Variants in CSMD2 observed in about 807,000 individuals in gnomAD.
CSMD2 encodes CUB and sushi domain-containing protein 2.
Under a neutral mutation model 398.5 loss-of-function variants are expected in CSMD2, and 130 were observed. The observed-to-expected ratio is 0.33, with a 90% CI of 0.28 to 0.38. The LOEUF is 0.38. Among genes scored for constraint, CSMD2 ranks in the 10% least tolerant of loss-of-function variants. The probability of loss-of-function intolerance (pLI) is 1.00; values close to 1 mark genes in which losing one functional copy is unlikely to be tolerated. For missense variants in CSMD2, 3,829 were observed against 4,764.9 expected, an observed-to-expected ratio of 0.80 and a Z score of 5.78; for synonymous variants, 1,828 against 1,908.5, an observed-to-expected ratio of 0.96 and a Z score of 1.10.
chr1:33,924,902 T>C (rs1314290922), intron 4 of CSMD2, among the ~76,000 whole-genome samples: 1 of 152,182 alleles, frequency 6.6e-6, no homozygotes, highest in Non-Finnish European at 1.5e-5. Flanking sequence ...TTATTATTAT[T>C]TTTTTGCTGT....
Position 34,112,194 on chromosome 1 carries a change from C to G in CSMD2, c.188-23001G>C, listed in dbSNP as rs376401766. On this transcript the variant is annotated intron_variant, in intron 1 of 70. Coordinates refer to ENST00000373381, the MANE Select transcript of CSMD2 (RefSeq NM_001281956.2). ...TTGTTGCCCCTTGCCCATACACATG[C>G]AAACCAAGGTGAAAAACATGATCAG... Among the ~76,000 whole-genome samples, 3 of 152,284 alleles carry G rather than the reference C, an allele frequency of 2.0e-5. No individual in the cohort carries two copies. The East Asian group carries it at 5.8e-4, about 29-fold the overall frequency.
chr1:33,772,643 A>G lies in CSMD2; in HGVS notation c.1772T>C (p.Phe591Ser), dbSNP rs1194844089. Residue 591 changes from phenylalanine to serine, a missense_variant, in exon 13 of 71, where the codon TTT becomes TCT. This residue lies in a region of CSMD2 where 2,001 missense variants were observed against 2,567.1 expected (regional missense o/e 0.78). Transcript: ENST00000373381. ...GATTGCCTTCTGTCCCACCAGCTCA[A>G]AGGCGGGCTGGCACTCAAACTTGAG... ...DTLKFECQPA[F>S]ELVGQKAITC... The G allele has an allele frequency of 6.2e-7, 1 of 1,614,070 alleles. No individual in the cohort carries two copies. The highest frequency in any genetic ancestry group is 1.3e-5 in the African/African-American group (1 of 75,028).
chr1:33,840,217 CAA>C (rs1393769915), intron 6 of CSMD2: 2 of 152,210 alleles, frequency 1.3e-5, no homozygotes, highest in African/African-American at 4.8e-5. Flanking sequence ...CAGCTGGAGA[CAA>C]TGATGAGAGG....
chr1:34,038,738 T>G (rs1462762786), intron 2 of CSMD2, among the ~76,000 whole-genome samples: 1 of 152,194 alleles, frequency 6.6e-6, no homozygotes, highest in Non-Finnish European at 1.5e-5. Context: ...GCAAAGGAAG[T>G]GGTCAGCCCA....
chr1:34,049,365 A>T (rs980128222), intron 2 of CSMD2, among the ~76,000 whole-genome samples: 8 of 152,246 alleles, frequency 5.3e-5, no homozygotes, highest in Admixed American at 3.3e-4. Flanking sequence ...TGCAGCTTCT[A>T]GGATTTTTCA....
At chr1:33,634,626 G>C (rs1394204484) in intron 31 of CSMD2, among the ~76,000 whole-genome samples, 3 of 152,174 alleles carry the variant, frequency 2.0e-5, no homozygotes, top group Non-Finnish European at 4.4e-5. Context: ...CTGCCAACCA[G>C]GTAATGAGCC....
At chr1:33,648,716 C>T (rs1643595477) in intron 28 of CSMD2, among the ~76,000 whole-genome samples, 1 of 152,156 alleles carries the variant, frequency 6.6e-6, no homozygotes, top group Non-Finnish European at 1.5e-5. Context: ...AGAGAGACTC[C>T]TTCTGCCCGA....
chr1:33,618,872 C>A (rs1641572598), intron 37 of CSMD2, among the ~76,000 whole-genome samples: 1 of 152,018 alleles, frequency 6.6e-6, no homozygotes, highest in Non-Finnish European at 1.5e-5. Flanking sequence ...GTCGGCCAAG[C>A]AGAAGCCAAG....
chr1:33,580,722 C>A, intron 48 of CSMD2, 31 bp downstream of exon 48: 5 of 1,612,792 alleles, frequency 3.1e-6, no homozygotes, highest in Non-Finnish European at 4.2e-6. Context: ...GAGGAGAGGG[C>A]CTGTGGCTTA....
chr1:33,577,034 G>A (rs6667558), intron 49 of CSMD2, among the ~76,000 whole-genome samples: 34,378 of 151,938 alleles, frequency 0.23, 4,375 homozygotes, highest in African/African-American at 0.33. Context: ...TCACCTCTGG[G>A]CTCCCACAAC....
intron 4 of CSMD2, among the ~76,000 whole-genome samples, chr1:33,927,624 C>T (rs1644170998): frequency 6.6e-6 from 1 of 152,130 alleles, no homozygotes; most frequent in African/African-American, 2.4e-5. Context: ...GACCTTGTGA[C>T]TCCAGGCCCA....
chr1:33,772,347 TC>T (rs567010881), intron 13 of CSMD2: 3 of 496,222 alleles, frequency 6.0e-6, no homozygotes, highest in South Asian at 5.7e-5. Flanking sequence ...TTGAAGAGCA[TC>T]CCCAAATGTC....
At chr1:33,745,130 T>A (rs4559461) in intron 13 of CSMD2, among the ~76,000 whole-genome samples, 47,869 of 152,148 alleles carry the variant, frequency 0.31, 9,677 homozygotes, top group African/African-American at 0.58. Context: ...GTGATAAATA[T>A]GACCCTGTAG....
intron 2 of CSMD2, among the ~76,000 whole-genome samples, chr1:34,046,797 G>A (rs188955339): frequency 3.9e-5 from 6 of 152,198 alleles, no homozygotes; most frequent in Admixed American, 1.3e-4. Flanking sequence ...TGGTTCTCAG[G>A]ATAAAAATGC....
intron 5 of CSMD2, among the ~76,000 whole-genome samples, chr1:33,852,537 A>G (rs1305989099): frequency 1.6e-4 from 24 of 152,210 alleles, no homozygotes; most frequent in Admixed American, 1.6e-3. Flanking sequence ...CTACTTGGGA[A>G]AATATCACTG....
chr1:33,551,075 G>A (rs532630224), intron 55 of CSMD2, among the ~76,000 whole-genome samples: 1 of 152,346 alleles, frequency 6.6e-6, no homozygotes, highest in Admixed American at 6.5e-5. Flanking sequence ...GTGACTTTGA[G>A]AAGTTACTTG....
At chr1:33,796,430 TCTTTA>T (rs1654958185) in intron 10 of CSMD2, among the ~76,000 whole-genome samples, 1 of 152,256 alleles carries the variant, frequency 6.6e-6, no homozygotes, top group African/African-American at 2.4e-5. Context: ...CTTACGCCTG[TCTTTA>T]CTTCAATCTC....
At chr1:33,925,694 C>G (rs1490286217) in intron 4 of CSMD2, among the ~76,000 whole-genome samples, 1 of 152,072 alleles carries the variant, frequency 6.6e-6, no homozygotes, top group African/African-American at 2.4e-5. Context: ...CTGATTACAC[C>G]ACTCTCTCTG....
At position 33,586,661 on chromosome 1, in the gene CSMD2, G is replaced by A. The variant is rs577024189; in HGVS notation, c.6938-44C>T. 4.3e-5 allele frequency: 55 copies of A among 1,291,564 alleles called. 1 individual carries two copies. The Middle Eastern group carries it at 1.8e-3, about 43-fold the overall frequency. The allele number at this position is 1,291,564 out of a possible 1,614,324, so 80.0% of individuals were successfully genotyped here. A position where few individuals can be genotyped will look rare whatever the true frequency, so the allele number is the denominator to read the frequency against. ...CATGTAGACCCTCTTAAGAAGTCCA[G>A]TCATTAGTACCTTGAACCCACTTCC... On this transcript the variant is annotated intron_variant, in intron 45 of 70. Transcript: ENST00000373381.
Sources: gnomAD v4.1 joint callset for allele counts (sites outside exome capture counted in the v4.1 genomes callset) on GRCh38, gnomAD v4.1.1 for gene constraint, gnomAD v4.1.1 regional missense constraint, MANE v1.5 for transcripts, NCBI Gene and HGNC (gene_info 2026-07-23, HGNC 2026-07-21) for gene names.